Variants in SLC26A5 observed in about 807,000 individuals in gnomAD.
The protein encoded by SLC26A5 is solute carrier family 26 member 5.
SLC26A5 carries 51 observed loss-of-function variants against 81.0 expected under a neutral mutation model. The observed-to-expected ratio is 0.63, with a 90% confidence interval of 0.50 to 0.80. The LOEUF (loss-of-function observed/expected upper bound fraction) is 0.80. Among genes scored for constraint, SLC26A5 ranks in the 30% least tolerant of loss-of-function variants. SLC26A5 has a pLI of 0.00. For synonymous variants in SLC26A5, 325 were observed against 332.8 expected, an observed-to-expected ratio of 0.98 and a Z score of 0.25; for missense variants, 771 against 905.8, an observed-to-expected ratio of 0.85 and a Z score of 1.91.
intron 9 of SLC26A5, among the ~76,000 whole-genome samples, chr7:103,394,851 G>A (rs930565898): frequency 6.6e-6 from 1 of 152,202 alleles, no homozygotes; most frequent in African/African-American, 2.4e-5. Flanking sequence ...TGGAAGTGAT[G>A]CTGTATGAGT....
chr7:103,413,118 G>C lies in SLC26A5; in HGVS notation c.293-6C>G, dbSNP rs1344319394. ...CAGCATTGCAAAGGCTAAGCCTGTG[G>C]GATTAAAAACCAAACAGAAATGGGG... On this transcript the variant is annotated splice_region_variant and splice_polypyrimidine_tract_variant and intron_variant, in intron 4 of 19. Transcript: ENST00000306312. 1 of 1,601,908 alleles carries C rather than the reference G, an allele frequency of 6.2e-7. No individual in the cohort carries two copies. The highest frequency in any genetic ancestry group is 8.6e-7 in the Non-Finnish European group (1 of 1,169,242).
At chr7:103,358,955 A>C (rs1289399131) in intron 19 of SLC26A5, among the ~76,000 whole-genome samples, 2 of 151,334 alleles carry the variant, frequency 1.3e-5, no homozygotes, top group South Asian at 2.1e-4. Flanking sequence ...CTCTTGATAA[A>C]ATTTGTGTAT....
intron 2 of SLC26A5, among the ~76,000 whole-genome samples, chr7:103,440,052 C>G (rs554108033): frequency 2.6e-5 from 4 of 152,298 alleles, no homozygotes; most frequent in African/African-American, 9.6e-5. Context: ...ATATTTTTAT[C>G]CATAGCACTT....
In SLC26A5 at chr7:103,374,583, A is replaced by G. The variant is rs764933655; in HGVS notation, c.2051T>C (p.Val684Ala). Residue 684 changes from valine (V) to alanine (A), a missense_variant, in exon 20 of 20, where the codon GTG becomes GCG. Coordinates refer to ENST00000306312, the MANE Select transcript of SLC26A5 (RefSeq NM_198999.3). ...VYLAGCSAQV[V>A]NDLTRNRFFE... is the part of the protein sequence containing the mutation. ...AAATCTATTCCGAGTGAGGTCATTCACAACTTGTGCTATTAAAAGAAGAAA... is the reference window on the plus strand; with the variant it reads ...AAATCTATTCCGAGTGAGGTCATTCGCAACTTGTGCTATTAAAAGAAGAAA... The G allele has an allele frequency of 5.6e-6, 9 of 1,613,902 alleles. No homozygotes were observed. The South Asian group carries it at 9.9e-5, about 18-fold the overall frequency.
intron 14 of SLC26A5, among the ~76,000 whole-genome samples, chr7:103,386,402 C>T (rs1164709606): frequency 1.3e-5 from 2 of 151,916 alleles, no homozygotes; most frequent in East Asian, 3.9e-4. Flanking sequence ...TCTGTCTTTA[C>T]TAAAAATAAA....
At chr7:103,389,904 G>T (rs1225649994) in intron 12 of SLC26A5, among the ~76,000 whole-genome samples, 2 of 152,102 alleles carry the variant, frequency 1.3e-5, no homozygotes, top group East Asian at 1.9e-4. Context: ...CCAATTACAG[G>T]TGTGAGCCAC....
chr7:103,389,476 C>G, intron 12 of SLC26A5, 52 bp from the exon 13 acceptor site: 2 of 1,339,818 alleles, frequency 1.5e-6, no homozygotes, highest in Non-Finnish European at 2.1e-6. Context: ...ACAGAGTGTC[C>G]TTTGCTGGTT....
chr7:103,409,717 T>G (rs1824325123), intron 7 of SLC26A5, among the ~76,000 whole-genome samples: 2 of 151,656 alleles, frequency 1.3e-5, no homozygotes, highest in African/African-American at 4.8e-5. Flanking sequence ...CAGGTTTTGT[T>G]TTTTTTTTGA....
At chr7:103,369,792 A>G (rs75346955), downstream of SLC26A5, among the ~76,000 whole-genome samples, 1 of 152,216 alleles carries the variant, frequency 6.6e-6, no homozygotes, top group Admixed American at 6.5e-5. Flanking sequence ...GACTTTAGAA[A>G]AATATACCGT....
rs1417319057 is a variant in SLC26A5, at chr7:103,419,785, AC to A, written c.292+952del. 2.0e-5 allele frequency among the ~76,000 whole-genome samples: 3 copies of A among 151,960 alleles called. No individual in the cohort carries two copies. The East Asian group carries it at 5.8e-4, about 29-fold the overall frequency. On this transcript the variant is annotated intron_variant, in intron 4 of 19. Transcript: ENST00000306312. ...ACTCCTGACCTCAGGTGATCCACCC[AC>A]CTCAGCCTTCCAAAGTGCTGGGATT... is the stretch of plus-strand genomic sequence containing the variant.
intron 17 of SLC26A5, 37 bp downstream of exon 17, chr7:103,378,409 A>G (rs1353244332): frequency 1.3e-6 from 2 of 1,582,544 alleles, no homozygotes. Flanking sequence ...TTGCAGAACA[A>G]GACAGAACGG....
chr7:103,362,461 C>G, intron 19 of SLC26A5: 1 of 1,375,620 alleles, frequency 7.3e-7, no homozygotes, highest in Non-Finnish European at 9.4e-7. Flanking sequence ...AAAATCTCCC[C>G]TCCCTCCTCA....
chr7:103,398,852 A>G (rs529926854), intron 8 of SLC26A5, among the ~76,000 whole-genome samples: 44 of 152,260 alleles, frequency 2.9e-4, no homozygotes, highest in African/African-American at 1.0e-3. Context: ...GACCAGGGGC[A>G]TGGGTGATTC....
intron 7 of SLC26A5, among the ~76,000 whole-genome samples, chr7:103,408,333 T>G (rs551131546): frequency 6.6e-6 from 1 of 152,228 alleles, no homozygotes; most frequent in African/African-American, 2.4e-5. Context: ...TTCAAGCAAT[T>G]CTCCTGCCTC....
intron 10 of SLC26A5, 100 bp downstream of exon 10, chr7:103,392,819 C>A: frequency 4.1e-6 from 6 of 1,450,872 alleles, no homozygotes; most frequent in Non-Finnish European, 5.8e-6. Context: ...CCTCATGATC[C>A]GCCTGCCTTG....
At chr7:103,399,821 T>G (rs1476582836) in intron 8 of SLC26A5, among the ~76,000 whole-genome samples, 1 of 152,192 alleles carries the variant, frequency 6.6e-6, no homozygotes, top group South Asian at 2.1e-4. Context: ...ACATGTGGTG[T>G]TTGGTTTTCT....
intron 19 of SLC26A5, chr7:103,361,973 A>C: frequency 6.2e-7 from 1 of 1,612,306 alleles, no homozygotes; most frequent in Non-Finnish European, 8.5e-7. Flanking sequence ...AAAGATAATC[A>C]ATGCTGATTC....
intron 8 of SLC26A5, among the ~76,000 whole-genome samples, chr7:103,405,698 C>T (rs750172433): frequency 1.3e-5 from 2 of 152,218 alleles, no homozygotes; most frequent in African/African-American, 2.4e-5. Flanking sequence ...TAGCAGAGCT[C>T]GAATGCTGTG....
chr7:103,421,424 T>G lies in SLC26A5; in HGVS notation c.91A>C (p.Arg31=). The G allele has an allele frequency of 6.2e-7, 1 of 1,614,116 alleles. No individual in the cohort carries two copies. ...GGAACCTTGTCCTTTGTGTGTAGTC[T>G]TTCCTGGAGGACCGGATGACTAAAG... ...PIFSHPVLQE[R]LHTKDKVPDS... The change falls in exon 3 of 20, where the codon AGA becomes CGA. Residue 31 remains arginine (R), a synonymous_variant. Coordinates refer to ENST00000306312, the MANE Select transcript of SLC26A5 (RefSeq NM_198999.3).
Sources: gnomAD v4.1 joint callset for allele counts (sites outside exome capture counted in the v4.1 genomes callset) on GRCh38, gnomAD v4.1.1 for gene constraint, MANE v1.5 for transcripts, NCBI Gene and HGNC (gene_info 2026-07-23, HGNC 2026-07-21) for gene names.